The following POLN variants were observed in gnomAD, a reference collection of about 807,000 sequenced individuals.
POLN encodes DNA polymerase N.
A neutral mutation model predicts 113.5 loss-of-function variants in POLN; 108 were observed. The observed-to-expected ratio is 0.95, with a 90% CI of 0.81 to 1.12. POLN has a LOEUF of 1.12. Ranked by LOEUF, POLN falls within the 50% of genes most tolerant of loss-of-function variation. The pLI is 0.00. For synonymous variants in POLN, 386 were observed against 391.5 expected (o/e 0.99, Z 0.17); for missense variants, 1,097 against 1,077.1 (o/e 1.02, Z -0.26).
chr4:2,073,605 G>A (rs943539884), intron 24 of POLN, among the ~76,000 whole-genome samples: 6 of 152,242 alleles, frequency 3.9e-5, no homozygotes, highest in Non-Finnish European at 5.9e-5. Context: ...AGAGCCCTAC[G>A]AAAGGGAAGG....
At chr4:2,135,020 C>T (rs547361939) in intron 16 of POLN, among the ~76,000 whole-genome samples, 14 of 152,206 alleles carry the variant, frequency 9.2e-5, no homozygotes, top group Non-Finnish European at 1.5e-4. Flanking sequence ...GAAAGCACCA[C>T]GATATGCAGC....
At chr4:2,224,332 C>T (rs1734333132) in intron 3 of POLN, among the ~76,000 whole-genome samples, 3 of 152,190 alleles carry the variant, frequency 2.0e-5, no homozygotes, top group African/African-American at 7.2e-5. Flanking sequence ...AGAGTACCTT[C>T]TTCTGGATAC....
At chr4:2,157,722 C>CAAAA (rs71644319) in intron 15 of POLN, 136 bp downstream of exon 15, 11 of 134,678 alleles carry the variant, frequency 8.2e-5, no homozygotes, top group East Asian at 2.3e-4. Flanking sequence ...GACTCTGTCT[C>CAAAA]AAAAAAAAAA....
intron 5 of POLN, among the ~76,000 whole-genome samples, chr4:2,204,247 C>G (rs1733789491): frequency 6.8e-6 from 1 of 147,052 alleles, no homozygotes; most frequent in Non-Finnish European, 1.5e-5. Context: ...CAATTAGAAA[C>G]AAAATGGGAG....
At chr4:2,151,453 C>T (rs1002560170) in intron 16 of POLN, among the ~76,000 whole-genome samples, 2 of 152,214 alleles carry the variant, frequency 1.3e-5, no homozygotes, top group African/African-American at 4.8e-5. Flanking sequence ...AGCTACTTGA[C>T]TCTTTGGTAT....
intron 4 of POLN, among the ~76,000 whole-genome samples, chr4:2,210,630 TAA>T (rs550506550): frequency 0.011 from 1,003 of 88,592 alleles, 17 homozygotes; most frequent in African/African-American, 0.052. Context: ...ATAATAATAA[TAA>T]AAAAAAGAGG....
At chr4:2,135,867 A>G (rs1731845147) in intron 16 of POLN, among the ~76,000 whole-genome samples, 1 of 152,102 alleles carries the variant, frequency 6.6e-6, no homozygotes, top group Non-Finnish European at 1.5e-5. Context: ...CCGTTCGTGG[A>G]AGAAGAATAG....
chr4:2,108,539 C>T (rs1731121723), intron 19 of POLN, among the ~76,000 whole-genome samples: 1 of 152,196 alleles, frequency 6.6e-6, no homozygotes, highest in South Asian at 2.1e-4. Flanking sequence ...GTGATCAGAA[C>T]AAAAGTGTAA....
At chr4:2,085,883 C>G in intron 20 of POLN, 139 bp from the exon 21 acceptor site, 1 of 1,143,626 alleles carries the variant, frequency 8.7e-7, no homozygotes, top group Non-Finnish European at 1.2e-6. Context: ...ACTTTACAAG[C>G]CAGGTGCTAG....
chr4:2,123,607 A>G (rs1363468033), intron 19 of POLN, among the ~76,000 whole-genome samples: 13 of 137,516 alleles, frequency 9.5e-5, no homozygotes. Flanking sequence ...TCTGGGCGAC[A>G]GGGTGAGACC....
intron 19 of POLN, among the ~76,000 whole-genome samples, chr4:2,098,826 T>C (rs886492379): frequency 9.9e-5 from 15 of 152,262 alleles, no homozygotes; most frequent in Admixed American, 3.3e-4. Context: ...ATTCCAGGAC[T>C]GGGGCAGGAA....
intron 2 of POLN, chr4:2,236,520 A>T: frequency 8.6e-7 from 1 of 1,160,426 alleles, no homozygotes; most frequent in Non-Finnish European, 1.3e-6. Context: ...TCAAAATTAC[A>T]ATCCACTGTA....
chr4:2,221,818 A>G (rs961099041), intron 3 of POLN, among the ~76,000 whole-genome samples: 1 of 151,818 alleles, frequency 6.6e-6, no homozygotes, highest in East Asian at 1.9e-4. Context: ...CAAGGGATCC[A>G]CCCGCCTCAG....
intron 13 of POLN, among the ~76,000 whole-genome samples, chr4:2,166,336 G>A (rs983431672): frequency 9.9e-5 from 15 of 152,118 alleles, no homozygotes; most frequent in African/African-American, 3.1e-4. Flanking sequence ...CCTGATCTTC[G>A]AGCTTCAGCT....
chr4:2,184,504 G>A lies in POLN; in HGVS notation c.1022-5039C>T, dbSNP rs918009179. 6.6e-5 allele frequency among the ~76,000 whole-genome samples: 10 copies of A among 152,192 alleles called. No individual in the cohort carries two copies. In the South Asian group the frequency reaches 1.7e-3, roughly 25 times the overall value. On this transcript the variant is annotated intron_variant, in intron 7 of 25. Transcript: ENST00000511885. Reference sequence around the variant, plus strand: ...TTTTAAAGGAGATCAATAAGGTTAAGTAAAAACCCTGTCATCCTGAACATG... The same window carrying A: ...TTTTAAAGGAGATCAATAAGGTTAAATAAAAACCCTGTCATCCTGAACATG...
intron 7 of POLN, among the ~76,000 whole-genome samples, chr4:2,185,359 GACAA>G (rs747046697): frequency 1.3e-5 from 2 of 152,206 alleles, no homozygotes; most frequent in African/African-American, 2.4e-5. Flanking sequence ...AATTCTACAG[GACAA>G]ACAATCTGGT....
intron 16 of POLN, among the ~76,000 whole-genome samples, chr4:2,154,848 A>G (rs1732385549): frequency 6.6e-6 from 1 of 152,256 alleles, no homozygotes; most frequent in South Asian, 2.1e-4. Context: ...CAGCTGTTAA[A>G]AAGATGACAC....
intron 3 of POLN, among the ~76,000 whole-genome samples, chr4:2,225,634 C>A (rs2031729): frequency 0.24 from 36,201 of 148,476 alleles, 6,837 homozygotes; most frequent in African/African-American, 0.53. Context: ...AAAAAAAAAA[C>A]AAACACTTTT....
chr4:2,080,067 T>C, intron 23 of POLN: 1 of 985,096 alleles, frequency 1.0e-6, no homozygotes, highest in Non-Finnish European at 1.2e-6. Context: ...AAAACGTCCA[T>C]GGTGTGTCAG....
Sources: allele counts gnomAD v4.1 joint callset (sites outside exome capture counted in the v4.1 genomes callset), GRCh38; gene constraint gnomAD v4.1.1; transcripts MANE v1.5; gene names NCBI Gene and HGNC (gene_info 2026-07-23, HGNC 2026-07-21).